SERPINA9: variants seen among roughly 807,000 people sequenced by gnomAD.
SERPINA9 encodes serpin A9.
In SERPINA9, 32 loss-of-function variants were observed where a neutral mutation model predicts 24.5. The ratio of observed to expected loss-of-function variants is 1.30; its 90% CI spans 0.98 to 1.75. The LOEUF is 1.75. Among genes scored for constraint, SERPINA9 ranks in the 40% most tolerant of loss-of-function variants. The pLI, the probability that SERPINA9 is intolerant of heterozygous loss-of-function variation, is 0.00. For synonymous variants in SERPINA9, 233 were observed against 197.7 expected (o/e 1.18, Z -1.50); for missense variants, 594 against 497.1 (o/e 1.19, Z -1.85).
chr14:94,475,988 C>T (rs185941783), intron 1 of SERPINA9, 148 bp downstream of exon 1: 5 of 1,194,516 alleles, frequency 4.2e-6, no homozygotes, highest in Admixed American at 4.2e-5. Flanking sequence ...GACCCAGATG[C>T]TACTAAAAGC....
chr14:94,463,351 T>C (rs1898835754), intron 4 of SERPINA9, 55 bp from the exon 5 acceptor site: 8 of 1,502,090 alleles, frequency 5.3e-6, no homozygotes, highest in Non-Finnish European at 7.4e-6. Flanking sequence ...TTTACTTAAC[T>C]GAGTAAACTA....
rs140941386 is a variant in SERPINA9, at chr14:94,464,073, C to T, written c.1050+634G>A. On this transcript the variant is annotated intron_variant, in intron 4 of 4. Coordinates refer to ENST00000674397, the MANE Select transcript of SERPINA9 (RefSeq NM_175739.4). ...AACCCCAATTAACTGACGGAGACTTCTTGTAAGAGCATGGGGTGCCCACAT... is the reference window on the plus strand; with the variant it reads ...AACCCCAATTAACTGACGGAGACTTTTTGTAAGAGCATGGGGTGCCCACAT... Among the ~76,000 whole-genome samples, 147 of 152,226 alleles carry T rather than the reference C, an allele frequency of 9.7e-4. 2 individuals carry two copies. The highest frequency in any genetic ancestry group is 3.2e-3 in the African/African-American group (131 of 41,530).
At chr14:94,474,109 G>T (rs1041199527) in intron 1 of SERPINA9, among the ~76,000 whole-genome samples, 4 of 152,216 alleles carry the variant, frequency 2.6e-5, no homozygotes, top group African/African-American at 9.6e-5. Flanking sequence ...TGAAGGAAGA[G>T]GACATCAGCC....
chr14:94,475,759 C>T (rs558912831), intron 1 of SERPINA9, among the ~76,000 whole-genome samples: 2 of 152,310 alleles, frequency 1.3e-5, no homozygotes, highest in East Asian at 1.9e-4. Flanking sequence ...AGTTTGGAAA[C>T]TGTTCAAGTC....
chr14:94,468,611 G>A (rs960548491), intron 2 of SERPINA9, among the ~76,000 whole-genome samples: 2 of 152,178 alleles, frequency 1.3e-5, no homozygotes, highest in African/African-American at 4.8e-5. Context: ...TGGGGTAGAG[G>A]TGAAATTCAA....
intron 2 of SERPINA9, among the ~76,000 whole-genome samples, chr14:94,468,054 G>A (rs1899102991): frequency 2.0e-5 from 3 of 152,096 alleles, no homozygotes; most frequent in Non-Finnish European, 4.4e-5. Flanking sequence ...CTGTCTGGGT[G>A]GATAGATGGA....
chr14:94,471,128 C>T (rs1021529813), intron 1 of SERPINA9, among the ~76,000 whole-genome samples: 1 of 145,828 alleles, frequency 6.9e-6, no homozygotes, highest in Non-Finnish European at 1.5e-5. Flanking sequence ...TTTTCACAAG[C>T]ACAGTGCCTT....
At chr14:94,465,069 C>T (rs117343804) in intron 3 of SERPINA9, among the ~76,000 whole-genome samples, 10 of 152,272 alleles carry the variant, frequency 6.6e-5, no homozygotes, top group East Asian at 5.8e-4. Context: ...AGGAGATAGA[C>T]GAGCCCCCAG....
intron 1 of SERPINA9, among the ~76,000 whole-genome samples, chr14:94,475,396 A>C (rs1438667872): frequency 6.6e-6 from 1 of 151,390 alleles, no homozygotes; most frequent in African/African-American, 2.4e-5. Context: ...CATGTGTGCT[A>C]CATATGCATG....
chr14:94,470,270 C>T (rs1216317551), intron 1 of SERPINA9: 18 of 917,848 alleles, frequency 2.0e-5, no homozygotes, highest in Non-Finnish European at 2.2e-5. Flanking sequence ...TCCCTCCACA[C>T]ATTCTTTATC....
chr14:94,475,944 C>T (rs1899618248), intron 1 of SERPINA9, 192 bp downstream of exon 1: 3 of 704,012 alleles, frequency 4.3e-6, no homozygotes, highest in Admixed American at 5.5e-5. Context: ...CTCACTGGTC[C>T]ACTCCAGCCT....
intron 1 of SERPINA9, among the ~76,000 whole-genome samples, chr14:94,472,411 A>T (rs371963388): frequency 6.6e-6 from 1 of 152,168 alleles, no homozygotes; most frequent in Non-Finnish European, 1.5e-5. Flanking sequence ...TCCTGTTGTG[A>T]CTTCATCACT....
At chr14:94,472,630 T>A (rs569064476) in intron 1 of SERPINA9, among the ~76,000 whole-genome samples, 11 of 152,118 alleles carry the variant, frequency 7.2e-5, no homozygotes, top group Non-Finnish European at 1.5e-4. Context: ...AGAGACAGGG[T>A]CCTTGTTCTT....
chr14:94,469,926 A>C lies in SERPINA9; in HGVS notation c.-17-69T>G, dbSNP rs899747328. On this transcript the variant is annotated intron_variant, in intron 1 of 4. Transcript: ENST00000674397. The stretch of plus-strand genomic sequence containing the variant: ...CAGGCCCTGAATCAGAGACCCTTTA[A>C]CACCCCCACGCCATCAGCAGCAGAA... The C allele has an allele frequency of 2.8e-5, 36 of 1,278,990 alleles. No individual in the cohort carries two copies. The African/African-American group carries it at 5.0e-4, about 18-fold the overall frequency. The allele number at this position is 1,278,990 out of a possible 1,614,324, so 79.2% of individuals were successfully genotyped here.
chr14:94,465,323 G>T (rs558052911), intron 3 of SERPINA9, among the ~76,000 whole-genome samples: 1 of 152,364 alleles, frequency 6.6e-6, no homozygotes, highest in South Asian at 2.1e-4. Context: ...CATTAGCCAT[G>T]TGTGGCTACT....
At chr14:94,469,136 T>C (rs1899163291) in intron 2 of SERPINA9, 77 bp downstream of exon 2, 10 of 1,359,194 alleles carry the variant, frequency 7.4e-6, no homozygotes, top group Middle Eastern at 1.9e-4. Context: ...TTTGTCTGGC[T>C]TGTGTATTTC....
At position 94,469,263 on chromosome 14, in the gene SERPINA9, C is replaced by T. The variant is rs768756104; in HGVS notation, c.578G>A (p.Gly193Asp). ...AACCATGGCCGTCAGAAGGTCAAGG[C>T]CTTGGATTATGTCTACAACCTTCCC... ...TQGKVVDIIQ[G>D]LDLLTAMVLV... The change falls in exon 2 of 5, where the codon GGC becomes GAC. Residue 193 changes from glycine to aspartate, a missense_variant. Transcript: ENST00000674397. 7 of 1,614,008 alleles carry T rather than the reference C, an allele frequency of 4.3e-6. No individual in the cohort carries two copies. Among genetic ancestry groups the T allele is most frequent in the South Asian group, 1.1e-5 (1 of 91,082 alleles).
chr14:94,464,460 C>A, intron 4 of SERPINA9: 1 of 546,392 alleles, frequency 1.8e-6, no homozygotes, highest in South Asian at 2.7e-5. Context: ...TGCTCTCCTG[C>A]AGCAGGCATG....
chr14:94,464,387 T>A, intron 4 of SERPINA9: 1 of 436,168 alleles, frequency 2.3e-6, no homozygotes. Context: ...CACACTGTGA[T>A]GCCTGTGTGA....
Sources: allele counts gnomAD v4.1 joint callset (sites outside exome capture counted in the v4.1 genomes callset), GRCh38; gene constraint gnomAD v4.1.1; transcripts MANE v1.5; gene names NCBI Gene and HGNC (gene_info 2026-07-23, HGNC 2026-07-21).